SYNE1: variants seen among roughly 807,000 people sequenced by gnomAD.
SYNE1 encodes nesprin-1.
A neutral mutation model predicts 1,111.0 loss-of-function variants in SYNE1; 616 were observed. That is an observed-to-expected ratio of 0.55 (90% CI 0.52 to 0.59). The LOEUF (loss-of-function observed/expected upper bound fraction) is 0.59. Ranked by LOEUF, SYNE1 falls within the 20% of genes least tolerant of loss-of-function variation. SYNE1 has a pLI of 0.00. For synonymous variants in SYNE1, 3,855 were observed against 3,825.8 expected (o/e 1.01, Z -0.28); for missense variants, 10,006 against 10,417.0 (o/e 0.96, Z 1.72).
intron 98 of SYNE1, among the ~76,000 whole-genome samples, chr6:152,274,023 T>C (rs1037934268): frequency 2.0e-5 from 3 of 152,196 alleles, no homozygotes; most frequent in Admixed American, 6.5e-5. Flanking sequence ...AGGCTTTCCC[T>C]TTATTTTAGC....
chr6:152,409,371 TAACACCATTTTCTTG>T, intron 43 of SYNE1, 145 bp from the exon 44 acceptor site: 1 of 1,058,146 alleles, frequency 9.5e-7, no homozygotes, highest in Middle Eastern at 3.1e-4. Context: ...TGAATATATA[TAACACCATTTTCTTG>T]AATTGCTAGA....
intron 97 of SYNE1, among the ~76,000 whole-genome samples, chr6:152,279,902 G>A (rs2093925498): frequency 6.6e-6 from 1 of 152,052 alleles, no homozygotes; most frequent in Non-Finnish European, 1.5e-5. Flanking sequence ...CTGAGGGTCT[G>A]TGATGCTTTT....
intron 62 of SYNE1, among the ~76,000 whole-genome samples, chr6:152,365,361 A>G (rs886395714): frequency 6.6e-6 from 1 of 152,256 alleles, no homozygotes; most frequent in African/African-American, 2.4e-5. Flanking sequence ...AGAGCTTATA[A>G]ATGTTATGGT....
At chr6:152,283,573 G>A (rs532163026) in intron 96 of SYNE1, among the ~76,000 whole-genome samples, 2 of 152,192 alleles carry the variant, frequency 1.3e-5, no homozygotes, top group Non-Finnish European at 2.9e-5. Context: ...GTCTCGCTCT[G>A]TTGCCCAGGC....
intron 4 of SYNE1, 43 bp downstream of exon 4, chr6:152,539,917 G>A: frequency 1.9e-6 from 3 of 1,595,174 alleles, no homozygotes; most frequent in Non-Finnish European, 2.6e-6. Context: ...TGATTTACTG[G>A]CTCAACCTAA....
chr6:152,269,433 T>A, intron 98 of SYNE1, 147 bp from the exon 99 acceptor site: 2 of 1,163,264 alleles, frequency 1.7e-6, no homozygotes, highest in Non-Finnish European at 1.2e-6. Flanking sequence ...AAAAAAACAG[T>A]AACACAAAAC....
Position 152,413,404 on chromosome 6 carries a change from T to G in SYNE1, c.6178A>C (p.Ile2060Leu), listed in dbSNP as rs770108562. 2 of 1,614,160 alleles carry G rather than the reference T, an allele frequency of 1.2e-6. No homozygotes were observed. The highest frequency in any genetic ancestry group is 1.7e-6 in the Non-Finnish European group (2 of 1,180,010). Residue 2060 changes from isoleucine (I) to leucine (L), a missense_variant, in exon 42 of 146, where the codon ATA becomes CTA. Ile to Leu is a conservative substitution (Grantham distance 5). Coordinates refer to ENST00000367255, the MANE Select transcript of SYNE1 (RefSeq NM_182961.4). ...TCCCAGGTGACCTCTAAGCGGTTTA[T>G]CTCCCTGTCAACTTCAGGTGCAAAA... is the stretch of plus-strand genomic sequence containing the variant. Reference protein sequence around the residue: ...VAFAPEVDREINRLEVTWDDT... With the variant: ...VAFAPEVDRELNRLEVTWDDT...
At chr6:152,201,598 T>A (rs958589483) in intron 127 of SYNE1, among the ~76,000 whole-genome samples, 2 of 152,236 alleles carry the variant, frequency 1.3e-5, no homozygotes, top group African/African-American at 4.8e-5. Flanking sequence ...TAATGTGTTT[T>A]AAATTTTCAT....
chr6:152,594,144 C>A (rs2099574414), intron 3 of SYNE1, among the ~76,000 whole-genome samples: 1 of 152,070 alleles, frequency 6.6e-6, no homozygotes, highest in Non-Finnish European at 1.5e-5. Context: ...AGGTGAAGTC[C>A]CATAAAGTCT....
intron 74 of SYNE1, among the ~76,000 whole-genome samples, chr6:152,342,322 TA>T (rs1334162901): frequency 2.6e-5 from 4 of 152,376 alleles, no homozygotes; most frequent in Admixed American, 1.3e-4. Context: ...TTGTTCTGAA[TA>T]AAGTGCATTG....
chr6:152,495,411 A>G (rs776815091), intron 11 of SYNE1, among the ~76,000 whole-genome samples: 11 of 152,158 alleles, frequency 7.2e-5, no homozygotes, highest in South Asian at 4.1e-4. Context: ...TACAACTTCT[A>G]ATGGCTGCTG....
intron 9 of SYNE1, among the ~76,000 whole-genome samples, chr6:152,504,343 C>A (rs1015573855): frequency 6.6e-6 from 1 of 152,112 alleles, no homozygotes; most frequent in Non-Finnish European, 1.5e-5. Flanking sequence ...GTCTCTGTAA[C>A]TTACTCTTGG....
At position 152,416,527 on chromosome 6, in the gene SYNE1, C is replaced by T; in HGVS notation, c.5910G>A (p.Gln1970=). The change falls in exon 41 of 146, where the codon CAG becomes CAA. Residue 1970 remains glutamine (Q), a synonymous_variant. Transcript: ENST00000367255. ...ERIQNLLGTK[Q]SEADALAVLK... is the part of the protein sequence containing the mutation. ...ACACTGCCAGAGCATCTGCCTCACT[C>T]TGCTTGGTTCCCAGAAGGTTCTGGA... 6.2e-7 allele frequency: 1 copy of T among 1,614,066 alleles called. No individual in the cohort carries two copies. The highest frequency in any genetic ancestry group is 8.5e-7 in the Non-Finnish European group (1 of 1,180,022).
intron 30 of SYNE1, among the ~76,000 whole-genome samples, chr6:152,443,006 A>G (rs968707820): frequency 6.6e-6 from 1 of 152,138 alleles, no homozygotes; most frequent in Non-Finnish European, 1.5e-5. Flanking sequence ...ATTTGCTGAG[A>G]TTTTGTGGGG....
At chr6:152,304,488 C>A (rs892096472) in intron 91 of SYNE1, among the ~76,000 whole-genome samples, 1 of 152,180 alleles carries the variant, frequency 6.6e-6, no homozygotes, top group Non-Finnish European at 1.5e-5. Flanking sequence ...GCACGCGCCA[C>A]CATGCCCAGC....
intron 17 of SYNE1, 115 bp downstream of exon 17, chr6:152,465,867 G>A: frequency 1.3e-6 from 1 of 771,498 alleles, no homozygotes. Context: ...CCTGGCCAAT[G>A]GCAAGGTCAC....
At chr6:152,468,235 G>C (rs980588451) in intron 16 of SYNE1, among the ~76,000 whole-genome samples, 3 of 152,048 alleles carry the variant, frequency 2.0e-5, no homozygotes, top group Admixed American at 2.0e-4. Flanking sequence ...GATTATTCGA[G>C]ATATTTAAAA....
At chr6:152,582,739 C>T (rs1423786411) in intron 3 of SYNE1, among the ~76,000 whole-genome samples, 2 of 152,048 alleles carry the variant, frequency 1.3e-5, no homozygotes, top group Non-Finnish European at 2.9e-5. Flanking sequence ...CTCCTTCCAT[C>T]CTTCCCTTTT....
chr6:152,142,997 A>C (rs941400072), intron 138 of SYNE1, among the ~76,000 whole-genome samples: 1 of 152,228 alleles, frequency 6.6e-6, no homozygotes, highest in Non-Finnish European at 1.5e-5. Context: ...GAAAGCAGGT[A>C]GTTCTCTAGG....
Sources: allele counts gnomAD v4.1 joint callset (sites outside exome capture counted in the v4.1 genomes callset), GRCh38; gene constraint gnomAD v4.1.1; transcripts MANE v1.5; gene names NCBI Gene and HGNC (gene_info 2026-07-23, HGNC 2026-07-21).